CTR9: variants seen among roughly 807,000 people sequenced by gnomAD.
CTR9 encodes CTR9 component of Paf1/RNA polymerase II complex.
Under a neutral mutation model 152.1 loss-of-function variants are expected in CTR9, and 41 were observed. That is an observed-to-expected ratio of 0.27 (90% CI 0.21 to 0.35). CTR9 has a LOEUF of 0.35. Among genes scored for constraint, CTR9 ranks in the 10% least tolerant of loss-of-function variants. The pLI, the probability that CTR9 is intolerant of heterozygous loss-of-function variation, is 1.00. For synonymous variants in CTR9, 476 were observed against 496.2 expected, an observed-to-expected ratio of 0.96 and a Z score of 0.54; for missense variants, 917 against 1,424.4, an observed-to-expected ratio of 0.64 and a Z score of 5.73.
chr11:10,754,702 G>T (rs1450773724), intron 2 of CTR9, among the ~76,000 whole-genome samples: 4 of 151,918 alleles, frequency 2.6e-5, no homozygotes, highest in Non-Finnish European at 4.4e-5. Flanking sequence ...TTTTTGGTCT[G>T]ATTTCTTTCA....
chr11:10,773,290 G>A lies in CTR9; in HGVS notation c.2727+17G>A. The A allele has an allele frequency of 1.2e-6, 2 of 1,605,892 alleles. No homozygotes were observed. Among genetic ancestry groups the A allele is most frequent in the South Asian group, 1.1e-5 (1 of 88,806 alleles). ...GGTGGACGGGTAAGATATAATTCCT[G>A]CTAGCACAAGTGACCTCATTCTCTG... is the stretch of plus-strand genomic sequence containing the variant. On this transcript the variant is annotated intron_variant, in intron 21 of 24. Transcript: ENST00000361367.
intron 5 of CTR9, among the ~76,000 whole-genome samples, chr11:10,758,825 C>A (rs1346703204): frequency 1.3e-5 from 2 of 152,156 alleles, no homozygotes; most frequent in Admixed American, 6.5e-5. Flanking sequence ...AATCAAATTG[C>A]TGTGACATAG....
Position 10,763,835 on chromosome 11 carries a change from C to G in CTR9, c.1150C>G (p.Leu384Val). ...NYETMKILGS[L>V]YAASEDQEKR... ...CGAAACTATGAAAATTCTCGGCTCTCTCTATGCTGCCTCAGAAGATCAAGA... is the reference window on the plus strand; with the variant it reads ...CGAAACTATGAAAATTCTCGGCTCTGTCTATGCTGCCTCAGAAGATCAAGA... Residue 384 changes from leucine to valine, a missense_variant, in exon 9 of 25, where the codon CTC (leucine) becomes GTC (valine). By Grantham distance (32) the Leu-to-Val change is conservative. This residue lies in a region of CTR9 where 133 missense variants were observed against 244.1 expected (regional missense o/e 0.54). Coordinates refer to ENST00000361367, the MANE Select transcript of CTR9 (RefSeq NM_014633.5). 6.2e-7 allele frequency: 1 copy of G among 1,613,444 alleles called. No homozygotes were observed. The highest frequency in any genetic ancestry group is 8.5e-7 in the Non-Finnish European group (1 of 1,179,892).
Position 10,760,187 on chromosome 11 carries a change from G to A in CTR9, c.607G>A (p.Gly203Arg). 6.2e-7 allele frequency: 1 copy of A among 1,613,922 alleles called. No homozygotes were observed. Among genetic ancestry groups the A allele is most frequent in the Non-Finnish European group, 8.5e-7 (1 of 1,179,844 alleles). ...NPGCPAEVRLGMGHCFVKLNK... is the reference protein window; with the variant it reads ...NPGCPAEVRLRMGHCFVKLNK... ...TCATTTTATAGCGGAAGTTCGTTTA[G>A]GAATGGGTCATTGCTTTGTGAAACT... Residue 203 changes from glycine to arginine, a missense_variant, in exon 6 of 25, where the codon GGA (glycine) becomes AGA (arginine). By Grantham distance (125) the Gly-to-Arg change is moderately radical. This residue lies in a region of CTR9 where 110 missense variants were observed against 149.5 expected (regional missense o/e 0.74). Transcript: ENST00000361367.
Position 10,768,387 on chromosome 11 carries a change from G to A in CTR9, c.2005G>A (p.Val669Ile). 1 of 1,614,134 alleles carries A rather than the reference G, an allele frequency of 6.2e-7. No individual in the cohort carries two copies. The highest frequency in any genetic ancestry group is 8.5e-7 in the Non-Finnish European group (1 of 1,179,998). Residue 669 changes from valine to isoleucine, a missense_variant, in exon 16 of 25, where the codon GTA (valine) becomes ATA (isoleucine). Transcript: ENST00000361367. ...AGGATATTTTCGTGAAGCTCGTGAT[G>A]TATTTGCCCAAGTAAGAGAAGCAAC... The part of the protein sequence containing the change: ...HKGYFREARD[V>I]FAQVREATAD...
At position 10,773,258 on chromosome 11, in the gene CTR9, T is replaced by A. The variant is rs1325378584; in HGVS notation, c.2712T>A (p.Gly904=). 6.2e-7 allele frequency: 1 copy of A among 1,610,762 alleles called. No individual in the cohort carries two copies. The highest frequency in any genetic ancestry group is 8.5e-7 in the Non-Finnish European group (1 of 1,179,114). ...ETEATKEKKR[G]GGGGRRSKKG... is the part of the protein sequence containing the mutation. The stretch of plus-strand genomic sequence containing the variant: ...AAGCAACAAAAGAGAAGAAAAGAGG[T>A]GGTGGTGGTGGACGGGTAAGATATA... The change falls in exon 21 of 25, where the codon GGT becomes GGA. Residue 904 remains glycine (G), a synonymous_variant. Transcript: ENST00000361367.
chr11:10,774,380 T>C, intron 22 of CTR9: 1 of 434,306 alleles, frequency 2.3e-6, no homozygotes, highest in Non-Finnish European at 4.1e-6. Context: ...CAGCTTTCCT[T>C]CTAAGCGCTG....
At chr11:10,775,734 TTTTTC>T (rs1863222658) in intron 24 of CTR9, 101 bp downstream of exon 24, 2 of 107,956 alleles carry the variant, frequency 1.9e-5, no homozygotes, top group East Asian at 2.2e-3. Flanking sequence ...CTTTTCTTTC[TTTTTC>T]TTTATAAATA....
chr11:10,773,368 T>G, intron 21 of CTR9, 95 bp downstream of exon 21: 2 of 1,417,178 alleles, frequency 1.4e-6, no homozygotes, highest in South Asian at 2.6e-5. Context: ...CTGTACTTAC[T>G]AGTTTTGACT....
In CTR9 at chr11:10,779,180, A is replaced by G; in HGVS notation, c.*75A>G. ...ATGAAAGCTGTGATAAAAATGTTTC[A>G]GATGTTTAGTCAATTGTGAAATTTT... is the stretch of plus-strand genomic sequence containing the variant. On this transcript the variant is annotated 3_prime_UTR_variant, in exon 25 of 25. Coordinates refer to ENST00000361367, the MANE Select transcript of CTR9 (RefSeq NM_014633.5). 2 of 1,435,942 alleles carry G rather than the reference A, an allele frequency of 1.4e-6. No individual in the cohort carries two copies. Among genetic ancestry groups the G allele is most frequent in the South Asian group, 1.4e-5 (1 of 71,150 alleles). The allele number at this position is 1,435,942 out of a possible 1,614,324, so 89.0% of individuals were successfully genotyped here. A position where few individuals can be genotyped will look rare whatever the true frequency, so the allele number is the denominator to read the frequency against.
chr11:10,757,290 GAA>G (rs1161179576), intron 5 of CTR9, among the ~76,000 whole-genome samples: 1 of 144,768 alleles, frequency 6.9e-6, no homozygotes, highest in Non-Finnish European at 1.5e-5. Context: ...GTCTCAAGGG[GAA>G]AAAAAAATAG....
Position 10,779,219 on chromosome 11 carries a change from T to C in CTR9, c.*114T>C. On this transcript the variant is annotated 3_prime_UTR_variant, in exon 25 of 25. Coordinates refer to ENST00000361367, the MANE Select transcript of CTR9 (RefSeq NM_014633.5). The stretch of plus-strand genomic sequence containing the variant: ...TTGTGAAATTTTTCTTAAGGCAATT[T>C]TCTTTTCTATCAGTTTGTATATTAC... 1 of 1,081,714 alleles carries C rather than the reference T, an allele frequency of 9.2e-7. No individual in the cohort carries two copies. The highest frequency in any genetic ancestry group is 2.9e-5 in the Admixed American group (1 of 34,924). The allele number at this position is 1,081,714 out of a possible 1,614,324, so 67.0% of individuals were successfully genotyped here.
At chr11:10,766,303 G>T in intron 12 of CTR9, 99 bp from the exon 13 acceptor site, 1 of 810,454 alleles carries the variant, frequency 1.2e-6, no homozygotes. Flanking sequence ...CTTTTATGGC[G>T]GTATTAATGA....
intron 24 of CTR9, among the ~76,000 whole-genome samples, chr11:10,777,072 T>G (rs73417780): frequency 0.016 from 2,436 of 150,848 alleles, 63 homozygotes; most frequent in African/African-American, 0.056. Context: ...TAGTCTTGAG[T>G]TTGGGTGGTG....
At chr11:10,764,278 C>T (rs1273368125) in intron 10 of CTR9, 30 bp from the exon 11 acceptor site, 6 of 1,613,804 alleles carry the variant, frequency 3.7e-6, no homozygotes, top group Admixed American at 1.7e-5. Context: ...CTTCCACTTA[C>T]ACCTTTTTCT....
chr11:10,753,866 A>G (rs182213625), intron 2 of CTR9, among the ~76,000 whole-genome samples: 40 of 152,280 alleles, frequency 2.6e-4, no homozygotes, highest in Non-Finnish European at 4.9e-4. Flanking sequence ...AAGTCCCGGC[A>G]TGGCTGCTAA....
chr11:10,763,624 T>G lies in CTR9; in HGVS notation c.958-19T>G. The G allele has an allele frequency of 2.5e-6, 4 of 1,584,966 alleles. No individual in the cohort carries two copies. Among genetic ancestry groups the G allele is most frequent in the Non-Finnish European group, 2.6e-6 (3 of 1,168,800 alleles). On this transcript the variant is annotated intron_variant, in intron 8 of 24. Transcript: ENST00000361367. Reference sequence around the variant, plus strand: ...AATACTTTTGTACATATTGGTCTTTTTTAATTTTCATTCTTTAGGAAGATT... The same window carrying G: ...AATACTTTTGTACATATTGGTCTTTGTTAATTTTCATTCTTTAGGAAGATT...
intron 6 of CTR9, among the ~76,000 whole-genome samples, chr11:10,760,917 C>T (rs1260244505): frequency 6.6e-6 from 1 of 152,162 alleles, no homozygotes. Context: ...CTCATTATTA[C>T]ATCGGTCTTA....
At chr11:10,768,305 T>G in intron 15 of CTR9, 38 bp from the exon 16 acceptor site, 1 of 1,589,268 alleles carries the variant, frequency 6.3e-7, no homozygotes, top group Middle Eastern at 1.7e-4. Context: ...TGACTCCAAT[T>G]AGAAAATTGT....
Sources: allele counts gnomAD v4.1 joint callset (sites outside exome capture counted in the v4.1 genomes callset), GRCh38; gene constraint gnomAD v4.1.1; regional missense constraint gnomAD v4.1.1; transcripts MANE v1.5; gene names NCBI Gene and HGNC (gene_info 2026-07-23, HGNC 2026-07-21).